Variants in LOC128706665 observed in about 807,000 individuals in gnomAD.
the LOC128706665 span, among the ~76,000 whole-genome samples, chr20:10,427,029 G>GACACACACACAGACACACTC: frequency 7.6e-6 from 1 of 130,724 alleles, no homozygotes. Flanking sequence ...AGAAAACACT[G>GACACACACACAGACACACTC]ACACACACAC....
At chr20:10,426,777 A>G in the LOC128706665 span, among the ~76,000 whole-genome samples, 1 of 152,252 alleles carries the variant, frequency 6.6e-6, no homozygotes, top group Admixed American at 6.5e-5. Flanking sequence ...ATTAGAGGGC[A>G]TCTTACAGTT....
the LOC128706665 span, among the ~76,000 whole-genome samples, chr20:10,427,967 G>A: frequency 3.3e-5 from 5 of 152,182 alleles, no homozygotes; most frequent in Admixed American, 6.5e-5. Context: ...TCAGAAGGCC[G>A]AAACAGGTAT....
the LOC128706665 span, among the ~76,000 whole-genome samples, chr20:10,424,531 G>A: frequency 2.0e-5 from 3 of 151,922 alleles, no homozygotes; most frequent in South Asian, 2.1e-4. Context: ...CTCAGGGCAA[G>A]ACACATTAGA....
chr20:10,427,322 G>A, the LOC128706665 span, among the ~76,000 whole-genome samples: 1 of 152,070 alleles, frequency 6.6e-6, no homozygotes, highest in African/African-American at 2.4e-5. Context: ...AGTGTAAAAC[G>A]GATTCTTTTT....
At chr20:10,429,029 C>T in the LOC128706665 span, among the ~76,000 whole-genome samples, 1 of 152,108 alleles carries the variant, frequency 6.6e-6, no homozygotes, top group Non-Finnish European at 1.5e-5. Context: ...CTATTTTTCT[C>T]CACTGAAAAG....
chr20:10,416,935 T>C, the LOC128706665 span, among the ~76,000 whole-genome samples: 1 of 152,182 alleles, frequency 6.6e-6, no homozygotes, highest in Admixed American at 6.5e-5. Flanking sequence ...ATAGACACTA[T>C]ATGATCTGCA....
At chr20:10,429,445 G>A in the LOC128706665 span, among the ~76,000 whole-genome samples, 2 of 152,092 alleles carry the variant, frequency 1.3e-5, no homozygotes, top group South Asian at 4.1e-4. Context: ...GCTCTCACAC[G>A]TTCATCTCCA....
At chr20:10,421,224 G>T in the LOC128706665 span, among the ~76,000 whole-genome samples, 4 of 152,226 alleles carry the variant, frequency 2.6e-5, no homozygotes, top group African/African-American at 9.6e-5. Flanking sequence ...GAGGTCAGGA[G>T]TTCGAGACCA....
At chr20:10,427,889 G>C in the LOC128706665 span, among the ~76,000 whole-genome samples, 3 of 152,146 alleles carry the variant, frequency 2.0e-5, no homozygotes, top group East Asian at 5.8e-4. Context: ...AACCATTCAA[G>C]GTCAGCTTGA....
the LOC128706665 span, among the ~76,000 whole-genome samples, chr20:10,428,211 A>AGTTGTT: frequency 6.6e-6 from 1 of 152,198 alleles, no homozygotes; most frequent in Admixed American, 6.5e-5. Flanking sequence ...GTTGTCTGAG[A>AGTTGTT]ATCCTGTCCC....
At chr20:10,418,789 A>G in the LOC128706665 span, among the ~76,000 whole-genome samples, 1 of 152,132 alleles carries the variant, frequency 6.6e-6, no homozygotes, top group Non-Finnish European at 1.5e-5. Flanking sequence ...ACTTCTTGTC[A>G]TAAGTACAAT....
At chr20:10,421,266 C>T in the LOC128706665 span, among the ~76,000 whole-genome samples, 1 of 140,030 alleles carries the variant, frequency 7.1e-6, no homozygotes, top group Non-Finnish European at 1.5e-5. Flanking sequence ...ATCGTTTCTA[C>T]TAAAAGTATT....
the LOC128706665 span, among the ~76,000 whole-genome samples, chr20:10,420,272 T>A: frequency 6.6e-6 from 1 of 152,138 alleles, no homozygotes; most frequent in Non-Finnish European, 1.5e-5. Flanking sequence ...TTGCACACAT[T>A]CATGATCCTG....
chr20:10,417,325 C>CA, the LOC128706665 span, among the ~76,000 whole-genome samples: 1 of 151,842 alleles, frequency 6.6e-6, no homozygotes, highest in Non-Finnish European at 1.5e-5. Context: ...ATCTTAGCAA[C>CA]ACTGGCTAGA....
chr20:10,426,600 T>C, the LOC128706665 span, among the ~76,000 whole-genome samples: 9 of 152,204 alleles, frequency 5.9e-5, no homozygotes, highest in Non-Finnish European at 1.3e-4. Flanking sequence ...GGTTTCACCA[T>C]GTTGCCCAGG....
the LOC128706665 span, among the ~76,000 whole-genome samples, chr20:10,425,338 T>C: frequency 5.3e-5 from 8 of 152,258 alleles, no homozygotes; most frequent in African/African-American, 1.9e-4. Context: ...TTTGAGATTT[T>C]TCAATGCTTT....
chr20:10,423,454 T>C, the LOC128706665 span, among the ~76,000 whole-genome samples: 1 of 152,036 alleles, frequency 6.6e-6, no homozygotes, highest in African/African-American at 2.4e-5. Context: ...AGAGACTGGA[T>C]AGGATAAAAG....
the LOC128706665 span, among the ~76,000 whole-genome samples, chr20:10,429,956 A>C: frequency 6.6e-6 from 1 of 152,212 alleles, no homozygotes. Flanking sequence ...TCTGAAGCTA[A>C]AGTTTGAGAC....
At chr20:10,420,382 C>T in the LOC128706665 span, 1 of 152,098 alleles carries the variant, frequency 6.6e-6, no homozygotes, top group Non-Finnish European at 1.5e-5. Flanking sequence ...GAAACAACTG[C>T]AGAATAGTAT....
Sources: gnomAD v4.1 joint callset for allele counts (sites outside exome capture counted in the v4.1 genomes callset) on GRCh38, gnomAD v4.1.1 for gene constraint, MANE v1.5 for transcripts.